Variants in POLR1A observed in about 807,000 individuals in gnomAD.
POLR1A encodes DNA-directed RNA polymerase I subunit RPA1.
Under a neutral mutation model 205.3 loss-of-function variants are expected in POLR1A, and 84 were observed. The ratio of observed to expected loss-of-function variants is 0.41; its 90% CI spans 0.34 to 0.49. The LOEUF (loss-of-function observed/expected upper bound fraction) is 0.49, where lower values mean the gene tolerates loss of function less well. Among genes scored for constraint, POLR1A ranks in the 20% least tolerant of loss-of-function variants. POLR1A has a pLI of 0.22. For missense variants in POLR1A, 1,645 were observed against 2,204.5 expected, an observed-to-expected ratio of 0.75 and a Z score of 5.08; for synonymous variants, 799 against 863.7, an observed-to-expected ratio of 0.93 and a Z score of 1.31.
At chr2:86,093,600 G>A (rs545429579) in intron 3 of POLR1A, among the ~76,000 whole-genome samples, 1 of 152,320 alleles carries the variant, frequency 6.6e-6, no homozygotes, top group South Asian at 2.1e-4. Context: ...GGCTGAGCCA[G>A]GTGGATCGCT....
In POLR1A at chr2:86,088,795, G is replaced by A. The variant is rs1673551798; in HGVS notation, c.616C>T (p.Pro206Ser). The change falls in exon 5 of 34, where the codon CCC becomes TCC. Residue 206 changes from proline to serine, a missense_variant. Pro to Ser is a moderately conservative substitution (Grantham distance 74). Coordinates refer to ENST00000263857, the MANE Select transcript of POLR1A (RefSeq NM_015425.6). ...GGCCCTGATACTTACTTGCAGTGGG[G>A]ACAGCGCTTAGCATTCATATGTGCC... The part of the protein sequence containing the change: ...WKAHMNAKRC[P>S]HCKTGRSVVR... 1 of 1,613,646 alleles carries A rather than the reference G, an allele frequency of 6.2e-7. No individual in the cohort carries two copies. The highest frequency in any genetic ancestry group is 2.2e-5 in the East Asian group (1 of 44,882).
chr2:86,041,760 C>T, intron 24 of POLR1A, 129 bp downstream of exon 24: 1 of 756,740 alleles, frequency 1.3e-6, no homozygotes. Context: ...GTCTTACTGC[C>T]CTCCCTCTAG....
chr2:86,096,727 G>T (rs1558787001), intron 3 of POLR1A, among the ~76,000 whole-genome samples: 1 of 152,062 alleles, frequency 6.6e-6, no homozygotes, highest in Non-Finnish European at 1.5e-5. Context: ...TCCATATGCA[G>T]AAGAATGAAA....
At chr2:86,103,809 G>A (rs1673867618) in intron 1 of POLR1A, among the ~76,000 whole-genome samples, 1 of 152,194 alleles carries the variant, frequency 6.6e-6, no homozygotes, top group African/African-American at 2.4e-5. Flanking sequence ...ACTGTATCAT[G>A]TGCAAAATGA....
At chr2:86,040,948 C>T (rs1478862218) in intron 24 of POLR1A, among the ~76,000 whole-genome samples, 2 of 152,188 alleles carry the variant, frequency 1.3e-5, no homozygotes, top group African/African-American at 4.8e-5. Flanking sequence ...ACAGTTTAAA[C>T]CTCCTGCTAT....
intron 13 of POLR1A, 24 bp downstream of exon 13, chr2:86,069,994 G>C (rs1673147370): frequency 6.2e-7 from 1 of 1,604,590 alleles, no homozygotes; most frequent in African/African-American, 1.3e-5. Context: ...GATGACCACG[G>C]AACAGCCTCA....
At position 86,045,635 on chromosome 2, in the gene POLR1A, G is replaced by A. The variant is rs1561328; in HGVS notation, c.2868C>T (p.Leu956=). The A allele has an allele frequency of 0.066, 106,060 of 1,613,806 alleles. 10,869 individuals are homozygous for A. Among genetic ancestry groups the A allele is most frequent in the African/African-American group, 0.46 (34,380 of 74,882 alleles). The stretch of plus-strand genomic sequence containing the variant: ...TACATACAGGAGGTTTGATGCCGGT[G>A]AGGAACCTGCCAGTGACAAAGCCAC... ...RAGGFVTGRF[L]TGIKPPEFFF... The change falls in exon 20 of 34, where the codon CTC becomes CTT. Residue 956 remains leucine, a synonymous_variant. Coordinates refer to ENST00000263857, the MANE Select transcript of POLR1A (RefSeq NM_015425.6).
chr2:86,034,839 A>C (rs368948544), intron 27 of POLR1A, among the ~76,000 whole-genome samples: 78 of 152,184 alleles, frequency 5.1e-4, no homozygotes, highest in African/African-American at 1.8e-3. Flanking sequence ...AAAACAAAAG[A>C]ATGCCACTCA....
intron 11 of POLR1A, among the ~76,000 whole-genome samples, chr2:86,076,494 T>C (rs980971695): frequency 6.6e-6 from 1 of 152,234 alleles, no homozygotes; most frequent in East Asian, 1.9e-4. Flanking sequence ...CTTGCTCCTG[T>C]GGCACCTGTC....
chr2:86,065,223 G>T, intron 14 of POLR1A, 51 bp downstream of exon 14: 1 of 1,484,054 alleles, frequency 6.7e-7, no homozygotes, highest in Non-Finnish European at 9.3e-7. Context: ...CCTTTTACAT[G>T]AGTGGCCTAT....
rs1158103778 is a variant in POLR1A, at chr2:86,020,857, G to C, written c.*6566C>G. The C allele has an allele frequency of 6.6e-6, 1 of 152,250 alleles. No homozygotes were observed. The highest frequency in any genetic ancestry group is 2.4e-5 in the African/African-American group (1 of 41,464). The allele number at this position is 152,250 out of a possible 1,614,324, so 9.4% of individuals were successfully genotyped here. ...TCCCCTGGGGGGCAAATTGCCCCAA[G>C]TTGAGAACCACTTAGTGTATAGGTA... On this transcript the variant is annotated 3_prime_UTR_variant, in exon 34 of 34. Coordinates refer to ENST00000263857, the MANE Select transcript of POLR1A (RefSeq NM_015425.6).
intron 12 of POLR1A, among the ~76,000 whole-genome samples, chr2:86,072,758 G>A (rs1033913919): frequency 6.6e-6 from 1 of 152,222 alleles, no homozygotes; most frequent in African/African-American, 2.4e-5. Flanking sequence ...ATGGGGCAGA[G>A]CTTTCATACT....
At position 86,045,625 on chromosome 2, in the gene POLR1A, T is replaced by G. The variant is rs1449108921; in HGVS notation, c.2878A>C (p.Lys960Gln). The change falls in exon 20 of 34, where the codon AAA (lysine) becomes CAA (glutamine). Residue 960 changes from lysine (K) to glutamine (Q), a missense_variant. By Grantham distance (53) the Lys-to-Gln change is moderately conservative. Coordinates refer to ENST00000263857, the MANE Select transcript of POLR1A (RefSeq NM_015425.6). ...AAAACCAAAATACATACAGGAGGTTTGATGCCGGTGAGGAACCTGCCAGTG... is the reference window on the plus strand; with the variant it reads ...AAAACCAAAATACATACAGGAGGTTGGATGCCGGTGAGGAACCTGCCAGTG... ...FVTGRFLTGI[K>Q]PPEFFFHCMA... is the part of the protein sequence containing the mutation. The G allele has an allele frequency of 6.2e-7, 1 of 1,614,160 alleles. No individual in the cohort carries two copies.
chr2:86,068,451 C>T lies in POLR1A; in HGVS notation c.1866+1567G>A, dbSNP rs17026861. 7.1e-3 allele frequency among the ~76,000 whole-genome samples: 981 copies of T among 137,876 alleles called. 14 individuals are homozygous for T. The highest frequency in any genetic ancestry group is 0.025 in the African/African-American group (909 of 36,628). The allele number at this position is 137,876 out of a possible 152,430, so 90.5% of individuals were successfully genotyped here. A position where few individuals can be genotyped will look rare whatever the true frequency, so the allele number is the denominator to read the frequency against. On this transcript the variant is annotated intron_variant, in intron 13 of 33. Transcript: ENST00000263857. ...AAGTCTTGGCCTCATTGCTGGCTGA[C>T]ATATTACTCACTTGGTGTTTCCTTG...
At chr2:86,062,078 T>G (rs1673008890) in intron 14 of POLR1A, among the ~76,000 whole-genome samples, 1 of 152,222 alleles carries the variant, frequency 6.6e-6, no homozygotes, top group Non-Finnish European at 1.5e-5. Flanking sequence ...AGAAACACTC[T>G]AAGACTTCAT....
chr2:86,033,266 G>A (rs1672427733), intron 28 of POLR1A, among the ~76,000 whole-genome samples: 1 of 152,256 alleles, frequency 6.6e-6, no homozygotes, highest in African/African-American at 2.4e-5. Context: ...CCAGTGCCCT[G>A]GTGGGCCTCA....
Position 86,021,781 on chromosome 2 carries a change from G to A in POLR1A, c.*5642C>T, listed in dbSNP as rs1261628190. The A allele has an allele frequency of 2.0e-5, 3 of 152,332 alleles. No individual in the cohort carries two copies. The highest frequency in any genetic ancestry group is 6.5e-5 in the Admixed American group (1 of 15,290). 9.4% of individuals were successfully genotyped at this position (152,332 alleles called of 1,614,324 possible). A position where few individuals can be genotyped will look rare whatever the true frequency, so the allele number is the denominator to read the frequency against. ...GCATGGGGGAGGGAATGGTGAGGAT[G>A]GGCATGGTCAGGTATCTGTCGGCTG... On this transcript the variant is annotated 3_prime_UTR_variant, in exon 34 of 34. Transcript: ENST00000263857.
At chr2:86,035,699 G>A (rs1455243221) in intron 27 of POLR1A, among the ~76,000 whole-genome samples, 1 of 152,178 alleles carries the variant, frequency 6.6e-6, no homozygotes, top group Non-Finnish European at 1.5e-5. Context: ...TGCTTGAGCG[G>A]CTCACTCTGC....
chr2:86,079,104 G>A lies in POLR1A; in HGVS notation c.1087-820C>T, dbSNP rs191283115. Among the ~76,000 whole-genome samples, 774 of 152,228 alleles carry A rather than the reference G, an allele frequency of 5.1e-3. 30 individuals carry two copies. Among genetic ancestry groups the A allele is most frequent in the Admixed American group, 0.048 (733 of 15,290 alleles). On this transcript the variant is annotated intron_variant, in intron 9 of 33. Transcript: ENST00000263857. Reference sequence around the variant, plus strand: ...TCTTGAGGTGGGAGGGTGAGGGTGGGTGAAGATTCAGTAAACGAGAATGTT... The same window carrying A: ...TCTTGAGGTGGGAGGGTGAGGGTGGATGAAGATTCAGTAAACGAGAATGTT...
Sources: allele counts gnomAD v4.1 joint callset (sites outside exome capture counted in the v4.1 genomes callset), GRCh38; gene constraint gnomAD v4.1.1; transcripts MANE v1.5; gene names NCBI Gene and HGNC (gene_info 2026-07-23, HGNC 2026-07-21).